The following ATP9B variants were observed in gnomAD, a reference collection of about 807,000 sequenced individuals.
The protein encoded by ATP9B is probable phospholipid-transporting ATPase IIB.
Under a neutral mutation model 146.1 loss-of-function variants are expected in ATP9B, and 110 were observed. That is an observed-to-expected ratio of 0.75 (90% CI 0.65 to 0.88). The LOEUF is 0.88. Ranked by LOEUF, ATP9B falls within the 40% of genes least tolerant of loss-of-function variation. The pLI, the probability that ATP9B is intolerant of heterozygous loss-of-function variation, is 0.00. For missense variants in ATP9B, 1,499 were observed against 1,496.4 expected (o/e 1.00, Z -0.03); for synonymous variants, 604 against 569.7 (o/e 1.06, Z -0.86).
At chr18:79,277,531 A>G (rs1287163543) in intron 13 of ATP9B, among the ~76,000 whole-genome samples, 1 of 152,150 alleles carries the variant, frequency 6.6e-6, no homozygotes, top group Non-Finnish European at 1.5e-5. Flanking sequence ...TAAGAGCAAG[A>G]ATTCCATGTT....
chr18:79,372,677 G>A (rs779277597), intron 26 of ATP9B, 148 bp from the exon 27 acceptor site: 13 of 707,006 alleles, frequency 1.8e-5, no homozygotes, highest in African/African-American at 1.1e-4. Context: ...AAAGGCGCCC[G>A]AAATGCTGGT....
chr18:79,339,085 T>G (rs897891365), intron 19 of ATP9B, among the ~76,000 whole-genome samples: 2 of 152,124 alleles, frequency 1.3e-5, no homozygotes, highest in African/African-American at 4.8e-5. Flanking sequence ...ATGTTCGCAG[T>G]AGGAAGTGTG....
intron 15 of ATP9B, among the ~76,000 whole-genome samples, chr18:79,314,896 C>CT (rs2146745127): frequency 6.6e-6 from 1 of 152,342 alleles, no homozygotes; most frequent in Admixed American, 6.5e-5. Context: ...GGCAGAGCCT[C>CT]TGAGTGCAGA....
In ATP9B at chr18:79,171,756, C is replaced by A. The variant is rs977241632; in HGVS notation, c.779-5057C>A. Among the ~76,000 whole-genome samples, 4 of 152,210 alleles carry A rather than the reference C, an allele frequency of 2.6e-5. 1 individual carries two copies. The highest frequency in any genetic ancestry group is 9.6e-5 in the African/African-American group (4 of 41,458). ...CTCACACTAGCCCAGTGGGCTCAGC[C>A]ATCCCTCTGCTTCCAGCAGCCCTCA... is the stretch of plus-strand genomic sequence containing the variant. On this transcript the variant is annotated intron_variant, in intron 7 of 29. Transcript: ENST00000426216.
chr18:79,098,148 C>T (rs2074963357), intron 2 of ATP9B, among the ~76,000 whole-genome samples: 1 of 151,866 alleles, frequency 6.6e-6, no homozygotes, highest in African/African-American at 2.4e-5. Flanking sequence ...AAAGGATTCC[C>T]TATTTAATAA....
chr18:79,085,383 A>G (rs1176837800), intron 1 of ATP9B: 1 of 152,230 alleles, frequency 6.6e-6, no homozygotes, highest in Non-Finnish European at 1.5e-5. Flanking sequence ...GAAGATTAAG[A>G]AATTCAATAG....
At chr18:79,314,746 C>G in intron 15 of ATP9B, among the ~76,000 whole-genome samples, 1 of 152,332 alleles carries the variant, frequency 6.6e-6, no homozygotes, top group Middle Eastern at 3.4e-3. Context: ...GCTGAGCAAA[C>G]GTTAAATGCT....
intron 5 of ATP9B, among the ~76,000 whole-genome samples, chr18:79,130,475 A>G (rs1004791036): frequency 6.6e-6 from 1 of 151,816 alleles, no homozygotes; most frequent in Non-Finnish European, 1.5e-5. Flanking sequence ...CATCAAGCGT[A>G]CCAAATACAC....
chr18:79,120,174 T>A (rs2094164212), intron 4 of ATP9B, among the ~76,000 whole-genome samples: 9 of 152,212 alleles, frequency 5.9e-5, no homozygotes. Flanking sequence ...AACACCATCA[T>A]CTTTATACAT....
At chr18:79,336,445 T>C (rs186006605) in intron 17 of ATP9B, among the ~76,000 whole-genome samples, 183 bp from the exon 18 acceptor site, 2 of 152,024 alleles carry the variant, frequency 1.3e-5, no homozygotes, top group Admixed American at 6.6e-5. Flanking sequence ...GGTCGGGAGG[T>C]TAAAAGGATG....
intron 12 of ATP9B, among the ~76,000 whole-genome samples, chr18:79,270,300 CTCTGTG>C (rs1471533355): frequency 7.0e-6 from 1 of 142,954 alleles, no homozygotes; most frequent in Non-Finnish European, 1.5e-5. Context: ...TATGTGGCAG[CTCTGTG>C]TGTGTGTGTG....
At chr18:79,218,270 C>T (rs911338870) in intron 11 of ATP9B, among the ~76,000 whole-genome samples, 5 of 149,476 alleles carry the variant, frequency 3.3e-5, no homozygotes, top group Non-Finnish European at 5.9e-5. Flanking sequence ...GTCATATTTT[C>T]CTCGTGTTCC....
intron 24 of ATP9B, 101 bp downstream of exon 24, chr18:79,348,026 G>A: frequency 1.9e-6 from 3 of 1,601,280 alleles, no homozygotes; most frequent in Non-Finnish European, 2.6e-6. Context: ...AGTGCTGCCG[G>A]AAGTACCTGG....
At position 79,307,137 on chromosome 18, in the gene ATP9B, A is replaced by G; in HGVS notation, c.1676A>G (p.Glu559Gly). The G allele has an allele frequency of 3.1e-6, 5 of 1,614,196 alleles. No individual in the cohort carries two copies. Among genetic ancestry groups the G allele is most frequent in the Non-Finnish European group, 4.2e-6 (5 of 1,180,036 alleles). ...VLCHNVTPVY[E>G]SRAGVTEETE... is the part of the protein sequence containing the mutation. ...TGTCACAACGTGACCCCCGTGTATG[A>G]GTCTCGGGCCGGCGTTACTGAGGAG... The change falls in exon 15 of 30, where the codon GAG (glutamate) becomes GGG (glycine). Residue 559 changes from glutamate (E) to glycine (G), a missense_variant. Transcript: ENST00000426216.
At chr18:79,231,680 C>G (rs540058684) in intron 11 of ATP9B, among the ~76,000 whole-genome samples, 15 of 151,990 alleles carry the variant, frequency 9.9e-5, no homozygotes, top group Non-Finnish European at 1.6e-4. Flanking sequence ...AAGACACTTG[C>G]ACACACGTTT....
intron 4 of ATP9B, among the ~76,000 whole-genome samples, chr18:79,123,695 G>A (rs1001787012): frequency 6.6e-6 from 1 of 152,184 alleles, no homozygotes; most frequent in Non-Finnish European, 1.5e-5. Flanking sequence ...GCATGATCAA[G>A]ACAGTATGGT....
chr18:79,118,548 C>T (rs945120705), intron 4 of ATP9B, among the ~76,000 whole-genome samples: 1 of 151,452 alleles, frequency 6.6e-6, no homozygotes, highest in Non-Finnish European at 1.5e-5. Context: ...CTACAGATAC[C>T]TGCCACCATG....
At chr18:79,198,635 A>G (rs942601860) in intron 9 of ATP9B, among the ~76,000 whole-genome samples, 26 of 152,232 alleles carry the variant, frequency 1.7e-4, no homozygotes, top group Non-Finnish European at 2.5e-4. Flanking sequence ...AACTTGTACA[A>G]CATGTTACTG....
chr18:79,319,233 T>G (rs1451859954), intron 15 of ATP9B, among the ~76,000 whole-genome samples: 9 of 152,238 alleles, frequency 5.9e-5, no homozygotes, highest in Admixed American at 5.9e-4. Flanking sequence ...ATTTTAGCAC[T>G]GTTAAATATT....
Sources: allele counts gnomAD v4.1 joint callset (sites outside exome capture counted in the v4.1 genomes callset), GRCh38; gene constraint gnomAD v4.1.1; transcripts MANE v1.5; gene names NCBI Gene and HGNC (gene_info 2026-07-23, HGNC 2026-07-21).